The following DOCK5 variants were observed in gnomAD, a reference collection of about 807,000 sequenced individuals.
DOCK5 encodes the protein dedicator of cytokinesis protein 5.
In DOCK5, 142 loss-of-function variants were observed where a neutral mutation model predicts 251.8. The observed-to-expected ratio is 0.56, with a 90% CI of 0.49 to 0.65. The LOEUF is 0.65. Ranked by LOEUF, DOCK5 falls within the 30% of genes least tolerant of loss-of-function variation. The pLI is 0.00. For synonymous variants in DOCK5, 842 were observed against 835.5 expected (o/e 1.01, Z -0.13); for missense variants, 2,111 against 2,312.3 (o/e 0.91, Z 1.79).
chr8:25,268,817 T>C, intron 2 of DOCK5, 28 bp from the exon 3 acceptor site: 1 of 1,556,314 alleles, frequency 6.4e-7, no homozygotes, highest in Non-Finnish European at 8.7e-7. Flanking sequence ...AAACATAAAA[T>C]ATTTTGTGTT....
intron 22 of DOCK5, among the ~76,000 whole-genome samples, chr8:25,338,610 A>T (rs943128770): frequency 2.0e-5 from 3 of 152,180 alleles, no homozygotes; most frequent in South Asian, 2.1e-4. Flanking sequence ...ATTTATGCTC[A>T]GTCTCTGTAT....
In DOCK5 at chr8:25,320,996, A is replaced by G. The variant is rs140632003; in HGVS notation, c.1559A>G (p.Glu520Gly). Residue 520 changes from glutamate to glycine, a missense_variant, in exon 16 of 52, where the codon GAA (glutamate) becomes GGA (glycine). Physicochemically the swap from Glu to Gly is moderately conservative, Grantham distance 98 (BLOSUM62 -2). Transcript: ENST00000276440. ...YETVKVSIAI[E>G]EVTRCHIRFT... ...ATGACACAGGTATCCATTGCTATAG[A>G]AGAAGTCACACGCTGTCATATAAGA... 1.9e-6 allele frequency: 3 copies of G among 1,613,500 alleles called. No individual in the cohort carries two copies. The African/African-American group carries it at 4.0e-5, about 21-fold the overall frequency.
At chr8:25,273,202 A>T (rs943463608) in intron 3 of DOCK5, among the ~76,000 whole-genome samples, 3 of 152,142 alleles carry the variant, frequency 2.0e-5, no homozygotes, top group African/African-American at 7.2e-5. Flanking sequence ...GCAGTTTTTG[A>T]ACTGAACACC....
rs752817440 is a variant in DOCK5, at chr8:25,411,200, C to A, written c.5515C>A (p.Pro1839Thr). ...GSQRNSTELA[P>T]PLPVRREAKA... ...TGTGTTTCTGCTTCTGCAGCTCGCTCCCCCACTGCCTGTCCGAAGAGAAGC... is the reference window on the plus strand; with the variant it reads ...TGTGTTTCTGCTTCTGCAGCTCGCTACCCCACTGCCTGTCCGAAGAGAAGC... The change falls in exon 52 of 52, where the codon CCC (proline) becomes ACC (threonine). Residue 1839 changes from proline to threonine, a missense_variant. Around this residue, in one of 3 missense-constraint regions of DOCK5, gnomAD observed 1,717 missense variants for 1,892.4 expected, o/e 0.91. Transcript: ENST00000276440. The A allele has an allele frequency of 6.4e-7, 1 of 1,569,668 alleles. No individual in the cohort carries two copies. Among genetic ancestry groups the A allele is most frequent in the South Asian group, 1.2e-5 (1 of 85,312 alleles).
intron 1 of DOCK5, among the ~76,000 whole-genome samples, chr8:25,239,133 C>G (rs1311668407): frequency 6.6e-6 from 1 of 152,076 alleles, no homozygotes; most frequent in African/African-American, 2.4e-5. Flanking sequence ...TAGGCAGAAA[C>G]AAACCATGGA....
chr8:25,380,448 C>G lies in DOCK5; in HGVS notation c.4026+54C>G, dbSNP rs932450111. ...TCTGACAGGGTTGCTAAAATTAGCA[C>G]TCATGAAAATGTTTCCGTAAGTTGA... On this transcript the variant is annotated intron_variant, in intron 39 of 51. Coordinates refer to ENST00000276440, the MANE Select transcript of DOCK5 (RefSeq NM_024940.8). The G allele has an allele frequency of 2.1e-6, 3 of 1,420,802 alleles. No homozygotes were observed. The African/African-American group carries it at 4.3e-5, about 20-fold the overall frequency. The allele number at this position is 1,420,802 out of a possible 1,614,324, so 88.0% of individuals were successfully genotyped here. A position where few individuals can be genotyped will look rare whatever the true frequency, so the allele number is the denominator to read the frequency against.
At chr8:25,363,784 C>A (rs1203088852) in intron 29 of DOCK5, among the ~76,000 whole-genome samples, 1 of 152,210 alleles carries the variant, frequency 6.6e-6, no homozygotes, top group Non-Finnish European at 1.5e-5. Context: ...TCTGCTCTGC[C>A]TCACACCGGT....
intron 27 of DOCK5, among the ~76,000 whole-genome samples, chr8:25,352,582 AT>A (rs1404333669): frequency 6.6e-6 from 1 of 152,196 alleles, no homozygotes; most frequent in Non-Finnish European, 1.5e-5. Context: ...TTAAAATCGA[AT>A]TAGATTTTAA....
At position 25,400,129 on chromosome 8, in the gene DOCK5, A is replaced by G. The variant is rs368667153; in HGVS notation, c.4788+135A>G. Reference sequence around the variant, plus strand: ...TTTAACCCTTGTGAAAGCACCACCTATCTATGTATTTGTTTGCTCGGCCGG... The same window carrying G: ...TTTAACCCTTGTGAAAGCACCACCTGTCTATGTATTTGTTTGCTCGGCCGG... On this transcript the variant is annotated intron_variant, in intron 46 of 51. Transcript: ENST00000276440. 1.7e-4 allele frequency: 114 copies of G among 682,038 alleles called. 1 individual carries two copies. The Middle Eastern group carries it at 2.8e-3, about 17-fold the overall frequency. The allele number at this position is 682,038 out of a possible 1,614,324, so 42.2% of individuals were successfully genotyped here.
chr8:25,321,899 G>A (rs1052632196), intron 16 of DOCK5, among the ~76,000 whole-genome samples: 3 of 152,084 alleles, frequency 2.0e-5, no homozygotes, highest in African/African-American at 7.2e-5. Context: ...TTCACAATGC[G>A]TGTTGCCATG....
At chr8:25,401,773 T>C (rs922182411) in intron 47 of DOCK5, among the ~76,000 whole-genome samples, 1 of 152,130 alleles carries the variant, frequency 6.6e-6, no homozygotes, top group Non-Finnish European at 1.5e-5. Context: ...CTCAAAGTTT[T>C]CTGAATCCTA....
At chr8:25,303,908 A>G (rs1016312757) in intron 10 of DOCK5, among the ~76,000 whole-genome samples, 1 of 152,168 alleles carries the variant, frequency 6.6e-6, no homozygotes, top group Non-Finnish European at 1.5e-5. Context: ...GGAGGTTGCA[A>G]TGAGCCAAGA....
At chr8:25,366,498 A>G (rs1274792475) in intron 30 of DOCK5, among the ~76,000 whole-genome samples, 1 of 152,218 alleles carries the variant, frequency 6.6e-6, no homozygotes, top group East Asian at 1.9e-4. Context: ...AACAACAACA[A>G]CAAAATTCAT....
chr8:25,243,209 T>C (rs1487131137), intron 1 of DOCK5, among the ~76,000 whole-genome samples: 1 of 152,250 alleles, frequency 6.6e-6, no homozygotes, highest in Non-Finnish European at 1.5e-5. Context: ...AGCAGGCAAC[T>C]GATCCATATT....
At chr8:25,349,961 G>A (rs1800436655) in intron 26 of DOCK5, among the ~76,000 whole-genome samples, 1 of 152,194 alleles carries the variant, frequency 6.6e-6, no homozygotes, top group South Asian at 2.1e-4. Flanking sequence ...TACCTGATCT[G>A]ACTTCTATGT....
chr8:25,339,381 G>A (rs1563207160), intron 22 of DOCK5, among the ~76,000 whole-genome samples: 1 of 152,194 alleles, frequency 6.6e-6, no homozygotes, highest in Non-Finnish European at 1.5e-5. Flanking sequence ...CAAGTGTTCT[G>A]CATTGGTGCA....
chr8:25,351,887 G>A lies in DOCK5; in HGVS notation c.2850+61G>A, dbSNP rs1414317405. ...TGTTTCTCTGTCCCCTTTGCCTATC[G>A]GGAGGCCTTCGGGGCCAGTGGCTTG... On this transcript the variant is annotated intron_variant, in intron 27 of 51. Transcript: ENST00000276440. 5.4e-6 allele frequency: 8 copies of A among 1,472,304 alleles called. No individual in the cohort carries two copies. The African/African-American group carries it at 5.6e-5, about 10-fold the overall frequency. 91.2% of individuals were successfully genotyped at this position (1,472,304 alleles called of 1,614,324 possible).
intron 43 of DOCK5, 120 bp from the exon 44 acceptor site, chr8:25,392,676 G>T: frequency 1.2e-6 from 1 of 859,876 alleles, no homozygotes. Flanking sequence ...AGGCATTTGA[G>T]AATAGAATCT....
chr8:25,377,733 T>C (rs67193679), intron 38 of DOCK5, among the ~76,000 whole-genome samples: 28,879 of 152,040 alleles, frequency 0.19, 3,188 homozygotes, highest in African/African-American at 0.29. Context: ...TCAGGAAGAA[T>C]GTAAACTGGG....
Sources: gnomAD v4.1 joint callset for allele counts (sites outside exome capture counted in the v4.1 genomes callset) on GRCh38, gnomAD v4.1.1 for gene constraint, gnomAD v4.1.1 regional missense constraint, MANE v1.5 for transcripts, NCBI Gene and HGNC (gene_info 2026-07-23, HGNC 2026-07-21) for gene names.